The following NAPSA variants were observed in gnomAD, a reference collection of about 807,000 sequenced individuals.
NAPSA encodes napsin-A.
A neutral mutation model predicts 36.7 loss-of-function variants in NAPSA; 37 were observed. The observed-to-expected ratio is 1.01, with a 90% confidence interval of 0.78 to 1.33. The LOEUF (loss-of-function observed/expected upper bound fraction) is 1.33. Ranked by LOEUF, NAPSA falls within the 40% of genes most tolerant of loss-of-function variation. The pLI is 0.00. For missense variants in NAPSA, 532 were observed against 543.8 expected, an observed-to-expected ratio of 0.98 and a Z score of 0.21; for synonymous variants, 222 against 234.5, an observed-to-expected ratio of 0.95 and a Z score of 0.49.
rs1601129717 is a variant in NAPSA, at chr19:50,365,521, T to C, written c.83+18A>G. 2 of 1,609,952 alleles carry C rather than the reference T, an allele frequency of 1.2e-6. No homozygotes were observed. The highest frequency in any genetic ancestry group is 2.2e-5 in the South Asian group (2 of 90,658). On this transcript the variant is annotated intron_variant, in intron 1 of 8. Coordinates refer to ENST00000253719, the MANE Select transcript of NAPSA (RefSeq NM_004851.3). ...AAAATCCCTCCTAAGGTTGGGGTGG[T>C]AGATGGGGTCACCATACCGGATCAG... is the stretch of plus-strand genomic sequence containing the variant.
At chr19:50,358,916 T>C (rs1431473971) in intron 8 of NAPSA, 95 bp downstream of exon 8, 26 of 1,354,044 alleles carry the variant, frequency 1.9e-5, no homozygotes, top group Non-Finnish European at 1.8e-5. Flanking sequence ...AAGAAATGTT[T>C]CTGTGGCCCC....
In NAPSA at chr19:50,358,699, G is replaced by T. The variant is rs762282406; in HGVS notation, c.1117C>A (p.Leu373Ile). 1.2e-6 allele frequency: 2 copies of T among 1,613,578 alleles called. No homozygotes were observed. Among genetic ancestry groups the T allele is most frequent in the Non-Finnish European group, 1.7e-6 (2 of 1,180,014 alleles). The change falls in exon 9 of 9, where the codon CTC becomes ATC. Residue 373 changes from leucine to isoleucine, a missense_variant. By Grantham distance (5) the Leu-to-Ile change is conservative. Transcript: ENST00000253719. ...VPPPAGPFWI[L>I]GDVFLGTYVA... ...TACGTCCCCAAGAAGACGTCACCGAGGATCCAGAAGGGCCCTGCAGGCGGA... is the reference window on the plus strand; with the variant it reads ...TACGTCCCCAAGAAGACGTCACCGATGATCCAGAAGGGCCCTGCAGGCGGA...
chr19:50,368,496 GAAAT>G (rs1263782521), upstream of NAPSA, among the ~76,000 whole-genome samples: 17 of 152,050 alleles, frequency 1.1e-4, no homozygotes, highest in Non-Finnish European at 2.2e-4. Flanking sequence ...TGTCTCAACA[GAAAT>G]AAATAAATAC....
At position 50,362,042 on chromosome 19, in the gene NAPSA, A is replaced by G; in HGVS notation, c.276T>C (p.Thr92=). The change falls in exon 3 of 9, where the codon ACT becomes ACC. Residue 92 remains threonine, a synonymous_variant. Coordinates refer to ENST00000253719, the MANE Select transcript of NAPSA (RefSeq NM_004851.3). The part of the protein sequence containing the change: ...IGLGTPPQNF[T]VAFDTGSSNL... The stretch of plus-strand genomic sequence containing the variant: ...TGGAGGAGCCAGTGTCAAAGGCAAC[A>G]GTGAAGTTTTGTGGAGGCGTTCCCA... The G allele has an allele frequency of 6.2e-7, 1 of 1,613,446 alleles. No individual in the cohort carries two copies. The highest frequency in any genetic ancestry group is 8.5e-7 in the Non-Finnish European group (1 of 1,179,830).
chr19:50,361,417 C>T, intron 4 of NAPSA: 1 of 585,100 alleles, frequency 1.7e-6, no homozygotes, highest in South Asian at 2.1e-5. Context: ...GCTTGAGAAG[C>T]CCCACCTCTT....
At chr19:50,362,402 A>G (rs1337033053) in intron 1 of NAPSA, 89 bp from the exon 2 acceptor site, 4 of 1,275,430 alleles carry the variant, frequency 3.1e-6, no homozygotes, top group African/African-American at 1.5e-5. Context: ...TGACAAATTC[A>G]ACATCTCCAA....
chr19:50,361,542 A>C (rs2037473204), intron 4 of NAPSA, 121 bp downstream of exon 4: 1 of 845,960 alleles, frequency 1.2e-6, no homozygotes, highest in Non-Finnish European at 2.0e-6. Context: ...CCTCCTCCCC[A>C]CTTGAAAAGC....
Position 50,362,204 on chromosome 19 carries a change from G to A in NAPSA, c.193C>T (p.Pro65Ser), listed in dbSNP as rs1189756962. The change falls in exon 2 of 9, where the codon CCC (proline) becomes TCC (serine). Residue 65 changes from proline (P) to serine (S), a missense_variant. This residue lies in a region of NAPSA where 102 missense variants were observed against 93.6 expected (regional missense o/e 1.09). Transcript: ENST00000253719. ...KLGAPSPGDKPIFVPLSNYRD... is the reference protein window; with the variant it reads ...KLGAPSPGDKSIFVPLSNYRD... The stretch of plus-strand genomic sequence containing the variant: ...TAGTTCGAGAGAGGTACGAAGATGG[G>A]CTTGTCCCCAGGGGATGGGGCCCCC... The A allele has an allele frequency of 1.2e-6, 2 of 1,613,984 alleles. No individual in the cohort carries two copies. Among genetic ancestry groups the A allele is most frequent in the South Asian group, 2.2e-5 (2 of 91,036 alleles).
intron 4 of NAPSA, 75 bp from the exon 5 acceptor site, chr19:50,361,215 A>G: frequency 7.6e-7 from 1 of 1,308,514 alleles, no homozygotes; most frequent in Non-Finnish European, 1.1e-6. Flanking sequence ...TCCCAAACCA[A>G]GGCATGAATC....
chr19:50,360,609 C>T (rs1353492065), intron 5 of NAPSA, among the ~76,000 whole-genome samples: 1 of 149,404 alleles, frequency 6.7e-6, no homozygotes, highest in Non-Finnish European at 1.5e-5. Context: ...AGAGAAAGCT[C>T]CTGAGTATTT....
upstream of NAPSA, chr19:50,365,899 C>G (rs974525072): frequency 9.4e-6 from 3 of 319,404 alleles, no homozygotes; most frequent in South Asian, 2.2e-4. Context: ...CCTCCCACCC[C>G]CCCATCCTTC....
At chr19:50,359,676 G>A (rs781236382) in intron 6 of NAPSA, 29 bp from the exon 7 acceptor site, 26 of 1,614,204 alleles carry the variant, frequency 1.6e-5, no homozygotes, top group Non-Finnish European at 2.2e-5. Flanking sequence ...GTCATCAGAG[G>A]CAGGGTCCTA....
At chr19:50,368,464 C>G (rs1162445251), upstream of NAPSA, among the ~76,000 whole-genome samples, 7 of 152,118 alleles carry the variant, frequency 4.6e-5, no homozygotes, top group Non-Finnish European at 1.0e-4. Context: ...TGCACTCCAT[C>G]CCAGGTGACA....
At chr19:50,358,852 C>A (rs567825991) in intron 8 of NAPSA, 72 bp from the exon 9 acceptor site, 2 of 1,386,138 alleles carry the variant, frequency 1.4e-6, no homozygotes, top group East Asian at 4.8e-5. Flanking sequence ...GCCCGTCCAT[C>A]CCCCCCACCC....
At chr19:50,361,557 T>A in intron 4 of NAPSA, 106 bp downstream of exon 4, 1 of 937,200 alleles carries the variant, frequency 1.1e-6, no homozygotes, top group South Asian at 1.4e-5. Flanking sequence ...AAAAGCCCCA[T>A]CCATTGGCTT....
upstream of NAPSA, chr19:50,365,915 C>A: frequency 3.4e-6 from 1 of 290,232 alleles, no homozygotes; most frequent in South Asian, 7.5e-5. Context: ...CCTTCAGCTG[C>A]TGTCAGTTTT....
intron 1 of NAPSA, among the ~76,000 whole-genome samples, chr19:50,364,314 CAAA>C (rs56181758): frequency 0.015 from 969 of 65,824 alleles, 11 homozygotes; most frequent in African/African-American, 0.048. Context: ...GACTCCGTCT[CAAA>C]AAAAAAAAAA....
Position 50,358,489 on chromosome 19 carries a change from G to T in NAPSA, c.*64C>A. 2 of 1,359,690 alleles carry T rather than the reference G, an allele frequency of 1.5e-6. No individual in the cohort carries two copies. Among genetic ancestry groups the T allele is most frequent in the Non-Finnish European group, 2.0e-6 (2 of 1,013,950 alleles). 84.2% of individuals were successfully genotyped at this position (1,359,690 alleles called of 1,614,324 possible). Reference sequence around the variant, plus strand: ...CAGGCAGGTTCGCTCAATGGAAATAGTGGATTTTTACTGGGTAGCAGGACC... The same window carrying T: ...CAGGCAGGTTCGCTCAATGGAAATATTGGATTTTTACTGGGTAGCAGGACC... On this transcript the variant is annotated 3_prime_UTR_variant, in exon 9 of 9. Transcript: ENST00000253719.
chr19:50,365,419 A>G (rs2037534648), intron 1 of NAPSA, 120 bp downstream of exon 1: 2 of 875,688 alleles, frequency 2.3e-6, no homozygotes, highest in Non-Finnish European at 3.7e-6. Context: ...AAGCTGAGAA[A>G]GAAGCTCTAG....
Sources: gnomAD v4.1 joint callset for allele counts (sites outside exome capture counted in the v4.1 genomes callset) on GRCh38, gnomAD v4.1.1 for gene constraint, gnomAD v4.1.1 regional missense constraint, MANE v1.5 for transcripts, NCBI Gene and HGNC (gene_info 2026-07-23, HGNC 2026-07-21) for gene names.